The following KMT2E variants were observed in gnomAD, a reference collection of about 807,000 sequenced individuals.
The protein encoded by KMT2E is lysine methyltransferase 2E (inactive).
In KMT2E, 30 loss-of-function variants were observed where a neutral mutation model predicts 184.6. The ratio of observed to expected loss-of-function variants is 0.16; its 90% CI spans 0.12 to 0.22. The LOEUF (loss-of-function observed/expected upper bound fraction) is 0.22, where lower values mean the gene tolerates loss of function less well. Ranked by LOEUF, KMT2E falls within the 10% of genes least tolerant of loss-of-function variation. The pLI is 1.00. For missense variants in KMT2E, 2,023 were observed against 2,237.4 expected, an observed-to-expected ratio of 0.90 and a Z score of 1.93; for synonymous variants, 815 against 776.5, an observed-to-expected ratio of 1.05 and a Z score of -0.82.
At chr7:105,063,292 G>T in intron 4 of KMT2E, 59 bp from the exon 5 acceptor site, 1 of 1,214,376 alleles carries the variant, frequency 8.2e-7, no homozygotes, top group Non-Finnish European at 1.2e-6. Context: ...TAAGTTGCTT[G>T]GTTTATATCA....
At chr7:105,105,396 T>G (rs1290569688) in intron 17 of KMT2E, 43 bp from the exon 18 acceptor site, 1 of 1,420,590 alleles carries the variant, frequency 7.0e-7, no homozygotes, top group South Asian at 1.4e-5. Flanking sequence ...AGGGAGAATT[T>G]GGAATTACAT....
chr7:105,030,602 C>T (rs1424431091), intron 1 of KMT2E, among the ~76,000 whole-genome samples: 1 of 152,080 alleles, frequency 6.6e-6, no homozygotes, highest in Admixed American at 6.6e-5. Context: ...AATATTCTGT[C>T]CAATGTTGTA....
intron 13 of KMT2E, among the ~76,000 whole-genome samples, chr7:105,088,997 G>A (rs376359181): frequency 1.3e-5 from 2 of 152,230 alleles, no homozygotes; most frequent in African/African-American, 2.4e-5. Context: ...TTCTTATGTA[G>A]GTCACATTTC....
chr7:105,050,657 TC>T (rs1283090912), intron 3 of KMT2E, among the ~76,000 whole-genome samples: 3 of 151,430 alleles, frequency 2.0e-5, no homozygotes, highest in African/African-American at 4.9e-5. Context: ...TTTCTTTCTT[TC>T]TTTCTTTTTT....
intron 2 of KMT2E, among the ~76,000 whole-genome samples, chr7:105,038,991 T>C (rs1019585724): frequency 1.3e-5 from 2 of 152,208 alleles, no homozygotes; most frequent in African/African-American, 4.8e-5. Flanking sequence ...ATCTTTGTCC[T>C]GAGGATAAGC....
At chr7:105,062,127 G>T in intron 3 of KMT2E, 37 bp from the exon 4 acceptor site, 1 of 1,279,272 alleles carries the variant, frequency 7.8e-7, no homozygotes, top group South Asian at 1.2e-5. Flanking sequence ...GAAAAAAAAA[G>T]AATGGAATTC....
In KMT2E at chr7:105,107,445, G is replaced by A. The variant is rs868051612; in HGVS notation, c.2988G>A (p.Lys996=). The A allele has an allele frequency of 6.2e-7, 1 of 1,613,748 alleles. No homozygotes were observed. The highest frequency in any genetic ancestry group is 8.5e-7 in the Non-Finnish European group (1 of 1,179,878). Residue 996 remains lysine (K), a synonymous_variant, in exon 22 of 27, where the codon AAG becomes AAA. Transcript: ENST00000311117. The part of the protein sequence containing the change: ...NLTELGLQEI[K]TIGYTSPRSR... The stretch of plus-strand genomic sequence containing the variant: ...CTGAACTGGGTCTGCAAGAAATAAA[G>A]ACTATTGGTTATACGAGCCCTAGGA...
intron 5 of KMT2E, chr7:105,063,825 T>G (rs887905475): frequency 1.4e-5 from 7 of 497,496 alleles, no homozygotes; most frequent in Non-Finnish European, 2.5e-5. Context: ...ATCACATTTT[T>G]CTGTTCACTT....
At chr7:105,018,274 A>G (rs936883552) in intron 1 of KMT2E, among the ~76,000 whole-genome samples, 9 of 152,242 alleles carry the variant, frequency 5.9e-5, no homozygotes, top group Non-Finnish European at 1.2e-4. Flanking sequence ...GTGTAAAACT[A>G]ACAGAACTTT....
chr7:105,096,275 A>AC (rs1798409591), intron 15 of KMT2E, among the ~76,000 whole-genome samples: 1 of 148,786 alleles, frequency 6.7e-6, no homozygotes, highest in Non-Finnish European at 1.5e-5. Context: ...AAAAAAAGAC[A>AC]CTTCCTCCCC....
intron 23 of KMT2E, 99 bp from the exon 24 acceptor site, chr7:105,110,181 T>C (rs1799149158): frequency 4.2e-6 from 4 of 947,610 alleles, no homozygotes; most frequent in Non-Finnish European, 6.7e-6. Flanking sequence ...TCCCAGTAGA[T>C]CAAAAGCCTT....
Position 105,110,384 on chromosome 7 carries a change from C to G in KMT2E, c.3844+16C>G. On this transcript the variant is annotated intron_variant, in intron 24 of 26. Transcript: ENST00000311117. The stretch of plus-strand genomic sequence containing the variant: ...AAAGATAGTGGTAAGTGAGCTTGTT[C>G]CTTCACCAGAAAGTGGAATCAGTTA... 1.2e-6 allele frequency: 2 copies of G among 1,613,714 alleles called. No individual in the cohort carries two copies. The highest frequency in any genetic ancestry group is 1.7e-6 in the Non-Finnish European group (2 of 1,179,676).
intron 12 of KMT2E, among the ~76,000 whole-genome samples, chr7:105,081,450 A>T (rs917429794): frequency 6.6e-6 from 1 of 150,974 alleles, no homozygotes; most frequent in Non-Finnish European, 1.5e-5. Context: ...TATTATTATT[A>T]TTTTGATGCC....
In KMT2E at chr7:105,109,007, C is replaced by T. The variant is rs1278625237; in HGVS notation, c.3534C>T (p.Asn1178=). The change falls in exon 23 of 27, where the codon AAC becomes AAT. Residue 1178 remains asparagine (N), a synonymous_variant. Coordinates refer to ENST00000311117, the MANE Select transcript of KMT2E (RefSeq NM_182931.3). Reference sequence around the variant, plus strand: ...GGAAAAGTGGCTCTAAGACAGAGAACTTTCCACTCATTAGTGTATCACCCC... The same window carrying T: ...GGAAAAGTGGCTCTAAGACAGAGAATTTTCCACTCATTAGTGTATCACCCC... The part of the protein sequence containing the change: ...EARKSGSKTE[N]FPLISVSPHA... 2 of 1,614,142 alleles carry T rather than the reference C, an allele frequency of 1.2e-6. No individual in the cohort carries two copies. The highest frequency in any genetic ancestry group is 1.1e-5 in the South Asian group (1 of 91,086).
At chr7:105,066,250 C>T (rs1727392243) in intron 5 of KMT2E, among the ~76,000 whole-genome samples, 1 of 152,106 alleles carries the variant, frequency 6.6e-6, no homozygotes, top group Non-Finnish European at 1.5e-5. Flanking sequence ...TTTTAACCTC[C>T]TTCTATTTCT....
intron 6 of KMT2E, among the ~76,000 whole-genome samples, chr7:105,071,594 A>ATG (rs1797304662): frequency 1.7e-5 from 1 of 59,314 alleles, no homozygotes; most frequent in African/African-American, 6.3e-5. Context: ...ATATATATAT[A>ATG]TATATATATA....
chr7:105,077,300 T>C lies in KMT2E; in HGVS notation c.1000-3T>C, dbSNP rs1797571525. On this transcript the variant is annotated splice_polypyrimidine_tract_variant and splice_region_variant and intron_variant, in intron 10 of 26. Coordinates refer to ENST00000311117, the MANE Select transcript of KMT2E (RefSeq NM_182931.3). ...TTAATCTCAACATTTACTCTGATTT[T>C]AGAGCCATATACAAAAGAATAAGAA... The C allele has an allele frequency of 6.2e-7, 1 of 1,607,812 alleles. No homozygotes were observed. Among genetic ancestry groups the C allele is most frequent in the African/African-American group, 1.3e-5 (1 of 74,720 alleles).
chr7:105,045,762 C>T (rs749763690), intron 3 of KMT2E, among the ~76,000 whole-genome samples: 40 of 152,140 alleles, frequency 2.6e-4, no homozygotes, highest in Admixed American at 2.0e-3. Context: ...CATTGGTATA[C>T]AGGTATCTGT....
chr7:105,107,898 A>G lies in KMT2E; in HGVS notation c.3441A>G (p.Thr1147=). ...VNDNLIDGNC[T]PQNPPQKKKV... ...ACAATTTGATCGACGGGAATTGCAC[A>G]CCCCAGAATCCACCACAAAAGAAAA... Residue 1147 remains threonine, a synonymous_variant, in exon 22 of 27, where the codon ACA becomes ACG. Transcript: ENST00000311117. 1.9e-6 allele frequency: 3 copies of G among 1,606,000 alleles called. No homozygotes were observed. The highest frequency in any genetic ancestry group is 2.6e-6 in the Non-Finnish European group (3 of 1,175,634).
Sources: allele counts gnomAD v4.1 joint callset (sites outside exome capture counted in the v4.1 genomes callset), GRCh38; gene constraint gnomAD v4.1.1; transcripts MANE v1.5; gene names NCBI Gene and HGNC (gene_info 2026-07-23, HGNC 2026-07-21).